Variants in PTMS observed in about 807,000 individuals in gnomAD.
The protein encoded by PTMS is parathymosin.
A neutral mutation model predicts 18.4 loss-of-function variants in PTMS; 5 were observed. The ratio of observed to expected loss-of-function variants is 0.27; its 90% CI spans 0.14 to 0.57. The LOEUF is 0.57. Among genes scored for constraint, PTMS ranks in the 20% least tolerant of loss-of-function variants. The pLI is 0.92. For missense variants in PTMS, 93 were observed against 124.6 expected (o/e 0.75, Z 1.21); for synonymous variants, 53 against 47.7 (o/e 1.11, Z -0.46).
chr12:6,770,077 T>G lies in PTMS; in HGVS notation c.196+78T>G. 1 of 1,604,286 alleles carries G rather than the reference T, an allele frequency of 6.2e-7. No homozygotes were observed. Among genetic ancestry groups the G allele is most frequent in the Non-Finnish European group, 8.5e-7 (1 of 1,175,612 alleles). ...CAGAGTCAGGGTGGGTTTGAAGACC[T>G]GAAGCAGGGCTGAGGGCGACCACGG... On this transcript the variant is annotated intron_variant, in intron 3 of 4. Coordinates refer to ENST00000309083, the MANE Select transcript of PTMS (RefSeq NM_002824.6). This position sits in a 1 kb window ranked among gnomAD's most constrained non-coding sequence, Gnocchi z 7.3.
rs1280801633 is a variant in PTMS at position 6,769,932 on chromosome 12, C to T, written c.129C>T (p.Asn43=). ...CCTGGTCCCCACAGGAGGAGGAGAACGGGGCTGAGGAGGAAGAAGAAGAAA... is the reference window on the plus strand; with the variant it reads ...CCTGGTCCCCACAGGAGGAGGAGAATGGGGCTGAGGAGGAAGAAGAAGAAA... The part of the protein sequence containing the change: ...RKKEVVEEEE[N]GAEEEEEETA... The change falls in exon 3 of 5, where the codon AAC becomes AAT. Residue 43 remains asparagine (N), a synonymous_variant. Transcript: ENST00000309083. 24 of 1,556,602 alleles carry T rather than the reference C, an allele frequency of 1.5e-5. No individual in the cohort carries two copies. In the East Asian group the frequency reaches 3.6e-4, roughly 24 times the overall value.
At position 6,769,628 on chromosome 12, in the gene PTMS, TGGA is replaced by T. The variant is rs1252849057; in HGVS notation, c.76_78del (p.Glu26del). 2 of 1,613,068 alleles carry T rather than the reference TGGA, an allele frequency of 1.2e-6. No homozygotes were observed. Among genetic ancestry groups the T allele is most frequent in the Non-Finnish European group, 1.7e-6 (2 of 1,179,782 alleles). On this transcript the variant is annotated inframe_deletion, in exon 2 of 5. Coordinates refer to ENST00000309083, the MANE Select transcript of PTMS (RefSeq NM_002824.6). Reference sequence around the variant, plus strand: ...GACCTGAAGGAGAAGAAGGAGAAGGTGGAGGAGAAGGCAAGCCGGAAAGAGCGA... The same window carrying T: ...GACCTGAAGGAGAAGAAGGAGAAGGTGGAGAAGGCAAGCCGGAAAGAGCGA...
In PTMS at chr12:6,766,421, CCGCGGCCGAGCG is replaced by C. The variant is rs1941765028; in HGVS notation, c.-281_-270del. On this transcript the variant is annotated 5_prime_UTR_variant, in exon 1 of 5. Coordinates refer to ENST00000309083, the MANE Select transcript of PTMS (RefSeq NM_002824.6). ...GGGCGGCGAGCCCGGGATCGAGCTA[CCGCGGCCGAGCG>C]CGCCGGCCACCGCCTGCACCGCCCT... is the stretch of plus-strand genomic sequence containing the variant. 1 of 177,292 alleles carries C rather than the reference CCGCGGCCGAGCG, an allele frequency of 5.6e-6. No individual in the cohort carries two copies. The highest frequency in any genetic ancestry group is 1.1e-5 in the Non-Finnish European group (1 of 87,120). 11.0% of individuals were successfully genotyped at this position (177,292 alleles called of 1,614,324 possible).
At position 6,766,729 on chromosome 12, in the gene PTMS, A is replaced by G; in HGVS notation, c.24A>G (p.Ala8=). ...CCATGTCGGAGAAAAGCGTGGAGGC[A>G]GCGGCCGAGTTGAGCGCCAAGGTAC... MSEKSVE[A]AAELSAKDLK... Residue 8 remains alanine, a synonymous_variant, in exon 1 of 5, where the codon GCA becomes GCG. Coordinates refer to ENST00000309083, the MANE Select transcript of PTMS (RefSeq NM_002824.6). The G allele has an allele frequency of 2.7e-6, 3 of 1,095,976 alleles. No homozygotes were observed. The highest frequency in any genetic ancestry group is 6.6e-5 in the South Asian group (2 of 30,234). The allele number at this position is 1,095,976 out of a possible 1,614,324, so 67.9% of individuals were successfully genotyped here.
At chr12:6,769,579 A>G (rs1941811177) in intron 1 of PTMS, 24 bp from the exon 2 acceptor site, 1 of 1,613,782 alleles carries the variant, frequency 6.2e-7, no homozygotes, top group East Asian at 2.2e-5. Context: ...GTGGTGAGAA[A>G]GGTGACCTCT....
chr12:6,770,083 A>T lies in PTMS; in HGVS notation c.197-74A>T. On this transcript the variant is annotated intron_variant, in intron 3 of 4. Coordinates refer to ENST00000309083, the MANE Select transcript of PTMS (RefSeq NM_002824.6). The surrounding 1 kb of genome is among the most constrained non-coding windows in gnomAD (Gnocchi z 7.3). ...CAGGGTGGGTTTGAAGACCTGAAGC[A>T]GGGCTGAGGGCGACCACGGGGGCTC... is the stretch of plus-strand genomic sequence containing the variant. 6.2e-7 allele frequency: 1 copy of T among 1,607,706 alleles called. No homozygotes were observed. The highest frequency in any genetic ancestry group is 1.7e-5 in the Admixed American group (1 of 59,110).
At chr12:6,766,848 T>A in intron 1 of PTMS, 98 bp downstream of exon 1, 2 of 832,464 alleles carry the variant, frequency 2.4e-6, no homozygotes. Flanking sequence ...GCGCGGCCCT[T>A]GCGCCCGGGT....
intron 1 of PTMS, chr12:6,767,047 C>G (rs977417243): frequency 6.3e-6 from 1 of 157,630 alleles, no homozygotes; most frequent in Non-Finnish European, 1.4e-5. Context: ...GACCGGATCC[C>G]GTCCGGCTTC....
intron 1 of PTMS, 35 bp from the exon 2 acceptor site, chr12:6,769,568 T>A: frequency 6.2e-7 from 1 of 1,611,412 alleles, no homozygotes; most frequent in Non-Finnish European, 8.5e-7. Context: ...GCAAGCCATT[T>A]GTGGTGAGAA....
intron 1 of PTMS, among the ~76,000 whole-genome samples, chr12:6,768,750 T>C (rs1592492336): frequency 6.6e-6 from 1 of 152,138 alleles, no homozygotes; most frequent in South Asian, 2.1e-4. Context: ...TGCTAGGATC[T>C]TGGGGTGAAG....
intron 1 of PTMS, 48 bp downstream of exon 1, chr12:6,766,798 C>T: frequency 9.6e-7 from 1 of 1,039,624 alleles, no homozygotes; most frequent in Non-Finnish European, 1.2e-6. Flanking sequence ...GCCCTGGGGC[C>T]CGGCGCGGTC....
intron 1 of PTMS, 141 bp from the exon 2 acceptor site, chr12:6,769,462 C>A: frequency 1.1e-6 from 1 of 891,838 alleles, no homozygotes; most frequent in South Asian, 1.4e-5. Context: ...ACCCTAGGGC[C>A]CCTATTCTGT....
In PTMS at chr12:6,770,595, G is replaced by A. The variant is rs543421586; in HGVS notation, c.*153G>A. ...CTTTCTCCCCAGCCTTCTCATTTCC[G>A]CCTCTCCAGACACTGCGCCCTCCAC... On this transcript the variant is annotated 3_prime_UTR_variant, in exon 5 of 5. Transcript: ENST00000309083. This position sits in a 1 kb window ranked among gnomAD's most constrained non-coding sequence, Gnocchi z 7.3. 76 of 887,858 alleles carry A rather than the reference G, an allele frequency of 8.6e-5. No homozygotes were observed. In the Middle Eastern group the frequency reaches 1.0e-3, roughly 12 times the overall value. 55.0% of individuals were successfully genotyped at this position (887,858 alleles called of 1,614,324 possible).
chr12:6,766,978 C>T (rs1157230631), intron 1 of PTMS, among the ~76,000 whole-genome samples: 1 of 151,856 alleles, frequency 6.6e-6, no homozygotes, highest in Admixed American at 6.6e-5. Flanking sequence ...CCCGGCCTCG[C>T]CGCTCCGGTC....
In PTMS at chr12:6,766,699, C is replaced by G. The variant is rs1412081774; in HGVS notation, c.-7C>G. ...TCCCCGCCAGCCCCGGCCCCGGCCC[C>G]GGCACCATGTCGGAGAAAAGCGTGG... On this transcript the variant is annotated 5_prime_UTR_variant, in exon 1 of 5. Coordinates refer to ENST00000309083, the MANE Select transcript of PTMS (RefSeq NM_002824.6). 3 of 1,125,574 alleles carry G rather than the reference C, an allele frequency of 2.7e-6. No homozygotes were observed. Among genetic ancestry groups the G allele is most frequent in the East Asian group, 1.3e-4 (2 of 15,486 alleles). The allele number at this position is 1,125,574 out of a possible 1,614,324, so 69.7% of individuals were successfully genotyped here.
chr12:6,767,627 G>A (rs1454618563), intron 1 of PTMS, among the ~76,000 whole-genome samples: 1 of 141,136 alleles, frequency 7.1e-6, no homozygotes. Flanking sequence ...GGTTGCTGAG[G>A]GGCCGTCACA....
chr12:6,766,674 TC>T lies in PTMS; in HGVS notation c.-28del, dbSNP rs1236116875. 2.7e-6 allele frequency: 3 copies of T among 1,107,232 alleles called. No homozygotes were observed. Among genetic ancestry groups the T allele is most frequent in the Non-Finnish European group, 3.3e-6 (3 of 904,680 alleles). The allele number at this position is 1,107,232 out of a possible 1,614,324, so 68.6% of individuals were successfully genotyped here. On this transcript the variant is annotated 5_prime_UTR_variant, in exon 1 of 5. Coordinates refer to ENST00000309083, the MANE Select transcript of PTMS (RefSeq NM_002824.6). ...TCCGTCTCGGCCCCGGGACCCCGGCTCCCCGCCAGCCCCGGCCCCGGCCCCG... is the reference window on the plus strand; with the variant it reads ...TCCGTCTCGGCCCCGGGACCCCGGCTCCCGCCAGCCCCGGCCCCGGCCCCG...
At position 6,766,768 on chromosome 12, in the gene PTMS, G is replaced by A; in HGVS notation, c.45+18G>A. 2 of 1,065,134 alleles carry A rather than the reference G, an allele frequency of 1.9e-6. No individual in the cohort carries two copies. Among genetic ancestry groups the A allele is most frequent in the Non-Finnish European group, 1.1e-6 (1 of 883,208 alleles). The allele number at this position is 1,065,134 out of a possible 1,614,324, so 66.0% of individuals were successfully genotyped here. The stretch of plus-strand genomic sequence containing the variant: ...GCGCCAAGGTACGGGCGGGGGCGGC[G>A]GCGGCCCGGACCTCGCGCAGCCCTG... On this transcript the variant is annotated intron_variant, in intron 1 of 4. Coordinates refer to ENST00000309083, the MANE Select transcript of PTMS (RefSeq NM_002824.6).
At chr12:6,768,647 T>C (rs1320115454) in intron 1 of PTMS, among the ~76,000 whole-genome samples, 1 of 152,008 alleles carries the variant, frequency 6.6e-6, no homozygotes, top group Non-Finnish European at 1.5e-5. Flanking sequence ...AAGGAGTGGG[T>C]GGGGAGAGCA....
Sources: allele counts gnomAD v4.1 joint callset (sites outside exome capture counted in the v4.1 genomes callset), GRCh38; gene constraint gnomAD v4.1.1; non-coding constraint Gnocchi (gnomAD v3.1); transcripts MANE v1.5; gene names NCBI Gene and HGNC (gene_info 2026-07-23, HGNC 2026-07-21).